The following MAP2K4 variants were observed in gnomAD, a reference collection of about 807,000 sequenced individuals.
MAP2K4 encodes mitogen-activated protein kinase kinase 4, also known as dual specificity mitogen-activated protein kinase kinase 4.
In MAP2K4, 4 loss-of-function variants were observed where a neutral mutation model predicts 48.5. The ratio of observed to expected loss-of-function variants is 0.08; its 90% CI spans 0.04 to 0.19. The LOEUF (loss-of-function observed/expected upper bound fraction) is 0.19. MAP2K4 is among the 10% of genes least tolerant of loss of function. The pLI is 1.00. For missense variants in MAP2K4, 258 were observed against 493.3 expected (o/e 0.52, Z 4.52); for synonymous variants, 166 against 173.1 (o/e 0.96, Z 0.32).
intron 7 of MAP2K4, among the ~76,000 whole-genome samples, chr17:12,119,052 A>G (rs1003133840): frequency 6.6e-6 from 1 of 152,216 alleles, no homozygotes; most frequent in Non-Finnish European, 1.5e-5. Context: ...TCAGTTTTTC[A>G]TTTATTGACT....
intron 1 of MAP2K4, among the ~76,000 whole-genome samples, chr17:12,033,946 C>T (rs1027689604): frequency 6.6e-6 from 1 of 152,100 alleles, no homozygotes; most frequent in Non-Finnish European, 1.5e-5. Flanking sequence ...TATGCCACCA[C>T]ACCCAGCTCA....
At chr17:12,140,313 T>C (rs1340761495) in intron 10 of MAP2K4, among the ~76,000 whole-genome samples, 1 of 152,166 alleles carries the variant, frequency 6.6e-6, no homozygotes, top group African/African-American at 2.4e-5. Context: ...GGAACTTGGG[T>C]GTTTTAAGCA....
chr17:12,105,061 CTGTT>C (rs540811899), intron 4 of MAP2K4, among the ~76,000 whole-genome samples: 207 of 152,172 alleles, frequency 1.4e-3, no homozygotes, highest in African/African-American at 4.8e-3. Context: ...ACTTTTGCAT[CTGTT>C]TCTTTGGTGT....
At chr17:12,123,005 TTGTA>T (rs1442142453) in intron 7 of MAP2K4, among the ~76,000 whole-genome samples, 1 of 152,220 alleles carries the variant, frequency 6.6e-6, no homozygotes, top group African/African-American at 2.4e-5. Context: ...CATTACCTCT[TTGTA>T]TGTTGCTGGA....
chr17:12,120,086 A>C (rs558700704), intron 7 of MAP2K4, among the ~76,000 whole-genome samples: 88 of 152,334 alleles, frequency 5.8e-4, no homozygotes, highest in East Asian at 7.7e-4. Flanking sequence ...AATGGTCTGT[A>C]CAACAGACCT....
chr17:12,082,023 A>G (rs1412116739), intron 3 of MAP2K4: 1 of 507,544 alleles, frequency 2.0e-6, no homozygotes, highest in South Asian at 1.5e-5. Flanking sequence ...CTGTTTGTTT[A>G]TTTCATCTCT....
intron 1 of MAP2K4, among the ~76,000 whole-genome samples, chr17:12,030,034 T>C (rs1018251626): frequency 3.3e-5 from 5 of 152,180 alleles, no homozygotes; most frequent in African/African-American, 1.2e-4. Context: ...TTTTCCTCAT[T>C]TTTCCTTCCC....
intron 10 of MAP2K4, 63 bp downstream of exon 10, chr17:12,139,947 G>T: frequency 8.5e-7 from 1 of 1,175,496 alleles, no homozygotes; most frequent in South Asian, 2.0e-5. Flanking sequence ...TAACATGCTG[G>T]TTCACTAAGC....
At chr17:12,041,249 A>G (rs1001544847) in intron 1 of MAP2K4, among the ~76,000 whole-genome samples, 3 of 152,258 alleles carry the variant, frequency 2.0e-5, no homozygotes, top group Non-Finnish European at 1.5e-5. Context: ...ATGAGGGTCA[A>G]AAGAAGCCAT....
At chr17:12,130,870 C>G (rs1972999554) in intron 9 of MAP2K4, among the ~76,000 whole-genome samples, 1 of 152,018 alleles carries the variant, frequency 6.6e-6, no homozygotes, top group Non-Finnish European at 1.5e-5. Context: ...TTGTCTTGTT[C>G]CAAATTATTC....
Position 12,020,954 on chromosome 17 carries a change from C to G in MAP2K4, c.68C>G (p.Pro23Arg), listed in dbSNP as rs1283698963. 1 of 1,216,856 alleles carries G rather than the reference C, an allele frequency of 8.2e-7. No individual in the cohort carries two copies. Among genetic ancestry groups the G allele is most frequent in the African/African-American group, 1.6e-5 (1 of 63,780 alleles). The allele number at this position is 1,216,856 out of a possible 1,614,324, so 75.4% of individuals were successfully genotyped here. ...GGCAGCGGCAGCGGCACCCCCGGCC[C>G]CGTAGGGTCCCCGGCGCCAGGCCAC... The part of the protein sequence containing the change: ...GGGSGSGTPG[P>R]VGSPAPGHPA... The change falls in exon 1 of 11, where the codon CCC becomes CGC. Residue 23 changes from proline to arginine, a missense_variant. Pro to Arg is a moderately radical substitution (Grantham distance 103). This residue lies in a region of MAP2K4 where 69 missense variants were observed against 56.2 expected (regional missense o/e 1.23). Transcript: ENST00000353533.
Position 12,095,723 on chromosome 17 carries a change from A to G in MAP2K4, c.513+29A>G, listed in dbSNP as rs754239961. ...GGAATAAACTGGGTTTTAGCTGACT[A>G]ATGAATATCTAATTGGGACAAATGA... On this transcript the variant is annotated intron_variant, in intron 4 of 10. Transcript: ENST00000353533. The G allele has an allele frequency of 4.4e-6, 7 of 1,607,282 alleles. No homozygotes were observed. In the East Asian group the frequency reaches 1.1e-4, roughly 26 times the overall value.
chr17:12,021,148 CCCGCTCCCGG>C (rs1272725633), intron 1 of MAP2K4, 147 bp downstream of exon 1: 2 of 434,192 alleles, frequency 4.6e-6, no homozygotes, highest in African/African-American at 2.1e-5. Context: ...GGCTTCCCGC[CCCGCTCCCGG>C]CCGCCTCCGG....
rs1205098293 is a variant in MAP2K4, at chr17:12,110,312, CTG to C, written c.634-61_634-60del. The stretch of plus-strand genomic sequence containing the variant: ...TACACGGGATATTACTTGTGATAAA[CTG>C]TTGTGCTGTTTGAATAAAAAGAAAC... On this transcript the variant is annotated intron_variant, in intron 5 of 10. Transcript: ENST00000353533. 3 of 1,101,666 alleles carry C rather than the reference CTG, an allele frequency of 2.7e-6. No individual in the cohort carries two copies. The Admixed American group carries it at 5.1e-5, about 19-fold the overall frequency. 68.2% of individuals were successfully genotyped at this position (1,101,666 alleles called of 1,614,324 possible).
At chr17:12,105,699 G>T (rs1206308231) in intron 4 of MAP2K4, among the ~76,000 whole-genome samples, 5 of 152,014 alleles carry the variant, frequency 3.3e-5, no homozygotes, top group African/African-American at 1.2e-4. Context: ...CATTGCCATT[G>T]TGTTGTTTGT....
intron 2 of MAP2K4, among the ~76,000 whole-genome samples, chr17:12,062,697 A>G (rs1438530951): frequency 3.3e-5 from 5 of 152,216 alleles, no homozygotes; most frequent in Admixed American, 3.3e-4. Flanking sequence ...ATTCTGGGGT[A>G]GAAATTTTTC....
chr17:12,077,762 A>G (rs866864658), intron 2 of MAP2K4, among the ~76,000 whole-genome samples: 1 of 152,196 alleles, frequency 6.6e-6, no homozygotes, highest in African/African-American at 2.4e-5. Context: ...GCAAAATACC[A>G]CATACTAGGT....
rs28921095 is a variant in MAP2K4 at position 12,134,492 on chromosome 17, G to C, written c.1040+5205G>C. Among the ~76,000 whole-genome samples the C allele has an allele frequency of 6.2e-3, 948 of 152,304 alleles. 2 individuals are homozygous for C. The highest frequency in any genetic ancestry group is 0.036 in the East Asian group (187 of 5,178). ...GTTAACCAGATCTGTAAGTAACACC[G>C]TTTAGTTAATCTTTAAGAATAAAGG... On this transcript the variant is annotated intron_variant, in intron 9 of 10. Transcript: ENST00000353533.
intron 1 of MAP2K4, among the ~76,000 whole-genome samples, chr17:12,022,176 A>G (rs1260636608): frequency 1.3e-5 from 2 of 152,216 alleles, no homozygotes; most frequent in East Asian, 3.8e-4. Context: ...TGAATAGTTC[A>G]TGTTTATAGA....
Sources: allele counts gnomAD v4.1 joint callset (sites outside exome capture counted in the v4.1 genomes callset), GRCh38; gene constraint gnomAD v4.1.1; regional missense constraint gnomAD v4.1.1; transcripts MANE v1.5; gene names NCBI Gene and HGNC (gene_info 2026-07-23, HGNC 2026-07-21).